GTF2F1: variants seen among roughly 807,000 people sequenced by gnomAD.
GTF2F1 encodes the protein general transcription factor IIF 74 kDa subunit.
A neutral mutation model predicts 63.5 loss-of-function variants in GTF2F1; 39 were observed. The ratio of observed to expected loss-of-function variants is 0.61; its 90% CI spans 0.48 to 0.80. GTF2F1 has a LOEUF of 0.80. Among genes scored for constraint, GTF2F1 ranks in the 30% least tolerant of loss-of-function variants. The pLI is 0.00. For missense variants in GTF2F1, 657 were observed against 718.3 expected (o/e 0.91, Z 0.97); for synonymous variants, 287 against 285.3 (o/e 1.01, Z -0.06).
chr19:6,387,045 C>T (rs2091976456), intron 5 of GTF2F1: 2 of 279,776 alleles, frequency 7.1e-6, no homozygotes, highest in Non-Finnish European at 6.8e-6. Flanking sequence ...GCTAGAGAAA[C>T]CCTCCTCGGG....
At chr19:6,387,287 C>T (rs542217887) in intron 5 of GTF2F1, 102 bp downstream of exon 5, 311 of 1,163,682 alleles carry the variant, frequency 2.7e-4, no homozygotes, top group Non-Finnish European at 3.3e-4. Flanking sequence ...GCCCTGGTTA[C>T]CCCTGAGTCC....
Position 6,380,676 on chromosome 19 carries a change from C to T in GTF2F1, c.1246G>A (p.Glu416Lys), listed in dbSNP as rs377173937. 23 of 1,611,922 alleles carry T rather than the reference C, an allele frequency of 1.4e-5. No homozygotes were observed. Among genetic ancestry groups the T allele is most frequent in the South Asian group, 5.5e-5 (5 of 91,076 alleles). The change falls in exon 12 of 13, where the codon GAG becomes AAG. Residue 416 changes from glutamate to lysine, a missense_variant. By Grantham distance (56) the Glu-to-Lys change is moderately conservative. This residue lies in a region of GTF2F1 where 602 missense variants were observed against 625.6 expected (regional missense o/e 0.96). Transcript: ENST00000394456. The surrounding 1 kb of genome is among the most constrained non-coding windows in gnomAD (Gnocchi z 5.3). The stretch of plus-strand genomic sequence containing the variant: ...CGCAACCGCTTGGCTGCAGGCATCT[C>T]GCTCACCCGCTTCCCTGTGGGAGTG... ...SKLEQGKRVSEMPAAKRLRLD... is the reference protein window; with the variant it reads ...SKLEQGKRVSKMPAAKRLRLD...
Position 6,379,999 on chromosome 19 carries a change from T to C in GTF2F1, c.*282A>G, listed in dbSNP as rs2091940064. 1 of 499,988 alleles carries C rather than the reference T, an allele frequency of 2.0e-6. No individual in the cohort carries two copies. The highest frequency in any genetic ancestry group is 3.3e-5 in the Admixed American group (1 of 30,608). 31.0% of individuals were successfully genotyped at this position (499,988 alleles called of 1,614,324 possible). A position where few individuals can be genotyped will look rare whatever the true frequency, so the allele number is the denominator to read the frequency against. On this transcript the variant is annotated 3_prime_UTR_variant, in exon 13 of 13. Coordinates refer to ENST00000394456, the MANE Select transcript of GTF2F1 (RefSeq NM_002096.3). ...GTGGGCAGCACAGGCCCTTGGTCAG[T>C]GTGAGGGAGGCCGAGCCAGGAGGAG...
rs2091963269 is a variant in GTF2F1 at position 6,383,584 on chromosome 19, C to T, written c.498-89G>A. On this transcript the variant is annotated intron_variant, in intron 5 of 12. Coordinates refer to ENST00000394456, the MANE Select transcript of GTF2F1 (RefSeq NM_002096.3). The surrounding 1 kb of genome is among the most constrained non-coding windows in gnomAD (Gnocchi z 4.5). ...GGGGCGAGCCCCAGGGCACCACCCA[C>T]ATAGCCTTCAAGGTGATGTGGCCCC... The T allele has an allele frequency of 2.1e-6, 3 of 1,405,252 alleles. No individual in the cohort carries two copies. The highest frequency in any genetic ancestry group is 3.0e-6 in the Non-Finnish European group (3 of 1,016,646). The allele number at this position is 1,405,252 out of a possible 1,614,324, so 87.0% of individuals were successfully genotyped here.
chr19:6,382,732 A>G (rs2091958377), intron 6 of GTF2F1, among the ~76,000 whole-genome samples: 1 of 149,910 alleles, frequency 6.7e-6, no homozygotes, highest in Non-Finnish European at 1.5e-5. Flanking sequence ...TCGGAGGTCA[A>G]GGCTGCAGTA....
intron 3 of GTF2F1, among the ~76,000 whole-genome samples, chr19:6,391,208 A>G (rs8102597): frequency 0.28 from 42,985 of 152,004 alleles, 12,062 homozygotes; most frequent in African/African-American, 0.72. Context: ...CAACTTCCCA[A>G]TTGAAGATGC....
chr19:6,380,840 C>T lies in GTF2F1; in HGVS notation c.1231+64G>A. ...ATCTCCATCCCCTCTCTGTCCTGAG[C>T]CCCAACAGAGGTCAGGAGGCTGTGG... On this transcript the variant is annotated intron_variant, in intron 11 of 12. Transcript: ENST00000394456. This position sits in a 1 kb window ranked among gnomAD's most constrained non-coding sequence, Gnocchi z 5.3. The T allele has an allele frequency of 6.6e-7, 1 of 1,510,464 alleles. No homozygotes were observed. The highest frequency in any genetic ancestry group is 2.4e-5 in the East Asian group (1 of 42,168). The allele number at this position is 1,510,464 out of a possible 1,614,324, so 93.6% of individuals were successfully genotyped here.
At position 6,381,479 on chromosome 19, in the gene GTF2F1, C is replaced by G. The variant is rs752018799; in HGVS notation, c.899-1G>C. 1.0e-5 allele frequency: 16 copies of G among 1,607,634 alleles called. No homozygotes were observed. The Admixed American group carries it at 2.0e-4, about 20-fold the overall frequency. On this transcript the variant is annotated splice_acceptor_variant, in intron 8 of 12. Transcript: ENST00000394456. LOFTEE classifies it high-confidence loss of function. This position sits in a 1 kb window ranked among gnomAD's most constrained non-coding sequence, Gnocchi z 4.1. ...CTACTGTCGCTCTGCTCATCGACAC[C>G]TGGGAGGGGCAGGGTATGAGCAAGA... is the stretch of plus-strand genomic sequence containing the variant.
In GTF2F1 at chr19:6,380,491, G is replaced by A. The variant is rs1332032724; in HGVS notation, c.1350-6C>T. ...CCTCAGTCACCTGCACGTCGCTGAG[G>A]ATGGGAGGACGGGGAAGGTGGCATC... On this transcript the variant is annotated splice_polypyrimidine_tract_variant and splice_region_variant and intron_variant, in intron 12 of 12. Transcript: ENST00000394456. The surrounding 1 kb of genome is among the most constrained non-coding windows in gnomAD (Gnocchi z 5.3). The A allele has an allele frequency of 3.1e-6, 5 of 1,613,848 alleles. No individual in the cohort carries two copies. Among genetic ancestry groups the A allele is most frequent in the African/African-American group, 2.7e-5 (2 of 74,910 alleles).
In GTF2F1 at chr19:6,380,016, C is replaced by G. The variant is rs1186425905; in HGVS notation, c.*265G>C. The G allele has an allele frequency of 1.1e-5, 6 of 535,824 alleles. No homozygotes were observed. The Admixed American group carries it at 1.9e-4, about 17-fold the overall frequency. 33.2% of individuals were successfully genotyped at this position (535,824 alleles called of 1,614,324 possible). ...TTGGTCAGTGTGAGGGAGGCCGAGC[C>G]AGGAGGAGGAGGACAATAAGAAGGC... is the stretch of plus-strand genomic sequence containing the variant. On this transcript the variant is annotated 3_prime_UTR_variant, in exon 13 of 13. Coordinates refer to ENST00000394456, the MANE Select transcript of GTF2F1 (RefSeq NM_002096.3). The surrounding 1 kb of genome is among the most constrained non-coding windows in gnomAD (Gnocchi z 5.3).
rs185308724 is a variant in GTF2F1, at chr19:6,384,483, C to T, written c.498-988G>A. ...AGATTGCCCCACAGCACTCCAGCCT[C>T]GGTGACAGAGTAAGAATCTGTCTCC... is the stretch of plus-strand genomic sequence containing the variant. On this transcript the variant is annotated intron_variant, in intron 5 of 12. Transcript: ENST00000394456. 2.4e-3 allele frequency among the ~76,000 whole-genome samples: 353 copies of T among 149,620 alleles called. 2 individuals are homozygous for T. Among genetic ancestry groups the T allele is most frequent in the Middle Eastern group, 6.8e-3 (2 of 294 alleles).
In GTF2F1 at chr19:6,383,511, A is replaced by G; in HGVS notation, c.498-16T>C. 6.2e-7 allele frequency: 1 copy of G among 1,608,748 alleles called. No individual in the cohort carries two copies. The highest frequency in any genetic ancestry group is 8.5e-7 in the Non-Finnish European group (1 of 1,177,076). On this transcript the variant is annotated splice_polypyrimidine_tract_variant and intron_variant, in intron 5 of 12. Transcript: ENST00000394456. The surrounding 1 kb of genome is among the most constrained non-coding windows in gnomAD (Gnocchi z 4.5). Reference sequence around the variant, plus strand: ...CTTGTTCCTCCTGCGGGCCAGGCACAGGGGGGCTCATGCCGGGCCTGGCAC... The same window carrying G: ...CTTGTTCCTCCTGCGGGCCAGGCACGGGGGGGCTCATGCCGGGCCTGGCAC...
Position 6,381,052 on chromosome 19 carries a change from T to A in GTF2F1, c.1093-10A>T, listed in dbSNP as rs1226221689. On this transcript the variant is annotated splice_polypyrimidine_tract_variant and intron_variant, in intron 10 of 12. Transcript: ENST00000394456. The surrounding 1 kb of genome is among the most constrained non-coding windows in gnomAD (Gnocchi z 4.1). Reference sequence around the variant, plus strand: ...GTGGCGTCTTCTTCTTCTGCAGAGGTCAGGGTTGGGAGGTGGGTGAGTCTG... The same window carrying A: ...GTGGCGTCTTCTTCTTCTGCAGAGGACAGGGTTGGGAGGTGGGTGAGTCTG... 6.2e-7 allele frequency: 1 copy of A among 1,610,870 alleles called. No individual in the cohort carries two copies. The highest frequency in any genetic ancestry group is 2.2e-5 in the East Asian group (1 of 44,828).
At position 6,392,268 on chromosome 19, in the gene GTF2F1, T is replaced by G. The variant is rs950755668; in HGVS notation, c.60-294A>C. 1.4e-5 allele frequency: 7 copies of G among 504,852 alleles called. No individual in the cohort carries two copies. The East Asian group carries it at 1.7e-4, about 12-fold the overall frequency. 31.3% of individuals were successfully genotyped at this position (504,852 alleles called of 1,614,324 possible). On this transcript the variant is annotated intron_variant, in intron 2 of 12. Transcript: ENST00000394456. ...CGGAAGACTCCAAGGATTCCCAGTC[T>G]GCCAGAGAAGCTAGACCCATCCTCT...
chr19:6,392,745 C>T, intron 2 of GTF2F1, 112 bp downstream of exon 2: 1 of 1,072,240 alleles, frequency 9.3e-7, no homozygotes, highest in Non-Finnish European at 1.4e-6. Context: ...CAAGTCTCTC[C>T]CGGTCTGGAG....
intron 3 of GTF2F1, 147 bp downstream of exon 3, chr19:6,391,755 T>C (rs1170833130): frequency 3.4e-6 from 2 of 585,342 alleles, no homozygotes; most frequent in Admixed American, 3.3e-5. Context: ...ACCCAACCCT[T>C]TGTCATCTAT....
Position 6,380,699 on chromosome 19 carries a change from G to T in GTF2F1, c.1232-9C>A, listed in dbSNP as rs1403391783. 1 of 1,608,892 alleles carries T rather than the reference G, an allele frequency of 6.2e-7. No homozygotes were observed. The highest frequency in any genetic ancestry group is 8.5e-7 in the Non-Finnish European group (1 of 1,179,564). The stretch of plus-strand genomic sequence containing the variant: ...CTCGCTCACCCGCTTCCCTGTGGGA[G>T]TGGGGTCAGGGCTGAGTCTTGCAGG... On this transcript the variant is annotated splice_polypyrimidine_tract_variant and intron_variant, in intron 11 of 12. Transcript: ENST00000394456. The surrounding 1 kb of genome is among the most constrained non-coding windows in gnomAD (Gnocchi z 5.3).
chr19:6,389,512 G>A lies in GTF2F1; in HGVS notation c.258C>T (p.Ile86=), dbSNP rs761360004. The change falls in exon 4 of 13, where the codon ATC becomes ATT. Residue 86 remains isoleucine, a synonymous_variant. Transcript: ENST00000394456. ...CCTCGGGCCGGAACTCCTTGAGGAC[G>A]ATGCCGTACTTCTTCCTCCGAGCCT... ...REEARRKKYG[I]VLKEFRPEDQ... 8.1e-6 allele frequency: 13 copies of A among 1,614,096 alleles called. No individual in the cohort carries two copies. Among genetic ancestry groups the A allele is most frequent in the South Asian group, 1.1e-5 (1 of 91,094 alleles).
chr19:6,389,333 G>A (rs2091986915), intron 4 of GTF2F1, 111 bp downstream of exon 4: 1 of 709,200 alleles, frequency 1.4e-6, no homozygotes, highest in Non-Finnish European at 2.2e-6. Context: ...CACTTCCACT[G>A]CAGCAGTGGG....
Sources: gnomAD v4.1 joint callset for allele counts (sites outside exome capture counted in the v4.1 genomes callset) on GRCh38, gnomAD v4.1.1 for gene constraint, gnomAD v4.1.1 regional missense constraint, Gnocchi (gnomAD v3.1) non-coding constraint, MANE v1.5 for transcripts, NCBI Gene and HGNC (gene_info 2026-07-23, HGNC 2026-07-21) for gene names.